SBNO1: variants seen among roughly 807,000 people sequenced by gnomAD.
SBNO1 encodes the protein protein strawberry notch homolog 1.
In SBNO1, 23 loss-of-function variants were observed where a neutral mutation model predicts 173.6. The ratio of observed to expected loss-of-function variants is 0.13; its 90% CI spans 0.10 to 0.19. The LOEUF (loss-of-function observed/expected upper bound fraction) is 0.19. Among genes scored for constraint, SBNO1 ranks in the 10% least tolerant of loss-of-function variants. The pLI, the probability that SBNO1 is intolerant of heterozygous loss-of-function variation, is 1.00. For synonymous variants in SBNO1, 632 were observed against 571.5 expected (o/e 1.11, Z -1.51); for missense variants, 1,238 against 1,671.2 (o/e 0.74, Z 4.52).
chr12:123,330,030 C>T (rs1431057928), intron 9 of SBNO1, among the ~76,000 whole-genome samples: 1 of 152,168 alleles, frequency 6.6e-6, no homozygotes. Flanking sequence ...CTATCTACAT[C>T]GCATATGATT....
intron 29 of SBNO1, among the ~76,000 whole-genome samples, chr12:123,303,167 A>C (rs897528753): frequency 6.6e-6 from 1 of 152,226 alleles, no homozygotes; most frequent in African/African-American, 2.4e-5. Flanking sequence ...AATATTAATA[A>C]AATAAAACCT....
At position 123,338,670 on chromosome 12, in the gene SBNO1, G is replaced by A. The variant is rs192502042; in HGVS notation, c.652-2179C>T. 1.8e-3 allele frequency among the ~76,000 whole-genome samples: 280 copies of A among 152,064 alleles called. 3 individuals are homozygous for A. The highest frequency in any genetic ancestry group is 5.5e-3 in the African/African-American group (230 of 41,490). On this transcript the variant is annotated intron_variant, in intron 5 of 31. Coordinates refer to ENST00000602398, the MANE Select transcript of SBNO1 (RefSeq NM_001167856.3). ...AATGCACTCCAGCCTGTGACAGAGC[G>A]AGACTCCATCTCAAAATAAATAAAC...
chr12:123,302,246 T>G (rs1345638728), intron 30 of SBNO1, among the ~76,000 whole-genome samples: 3 of 146,086 alleles, frequency 2.1e-5, no homozygotes, highest in Non-Finnish European at 4.5e-5. Context: ...TTGTTTTTTT[T>G]TTTGTTTTTT....
chr12:123,309,273 T>C (rs753953254), intron 28 of SBNO1, 37 bp downstream of exon 28: 31 of 1,442,492 alleles, frequency 2.1e-5, no homozygotes, highest in Non-Finnish European at 2.6e-5. Context: ...TTAAAAAGTA[T>C]TATATATCTG....
chr12:123,309,203 C>G, intron 28 of SBNO1, 107 bp downstream of exon 28: 1 of 792,944 alleles, frequency 1.3e-6, no homozygotes, highest in Non-Finnish European at 2.1e-6. Context: ...CCAAAATAGA[C>G]AAAGCTAAAC....
At chr12:123,307,070 T>A (rs1019451731) in intron 28 of SBNO1, among the ~76,000 whole-genome samples, 8 of 139,100 alleles carry the variant, frequency 5.8e-5, no homozygotes, top group African/African-American at 2.1e-4. Flanking sequence ...GTACCTGTGG[T>A]CCCAGCTACT....
At chr12:123,300,028 G>A (rs773045860) in intron 30 of SBNO1, among the ~76,000 whole-genome samples, 3 of 152,070 alleles carry the variant, frequency 2.0e-5, no homozygotes, top group Non-Finnish European at 2.9e-5. Context: ...GGGAGCGAGA[G>A]GCTACATGTA....
Position 123,295,159 on chromosome 12 carries a change from T to G in SBNO1, c.*749A>C, listed in dbSNP as rs937792852. 6.6e-6 allele frequency: 1 copy of G among 152,210 alleles called. No homozygotes were observed. Among genetic ancestry groups the G allele is most frequent in the South Asian group, 2.1e-4 (1 of 4,832 alleles). 9.4% of individuals were successfully genotyped at this position (152,210 alleles called of 1,614,324 possible). A position where few individuals can be genotyped will look rare whatever the true frequency, so the allele number is the denominator to read the frequency against. On this transcript the variant is annotated 3_prime_UTR_variant, in exon 32 of 32. Coordinates refer to ENST00000602398, the MANE Select transcript of SBNO1 (RefSeq NM_001167856.3). Reference sequence around the variant, plus strand: ...AAGAGTTTTATCACAGAAAAATGTATGTATTCATTACCTTGACCAGAAACC... The same window carrying G: ...AAGAGTTTTATCACAGAAAAATGTAGGTATTCATTACCTTGACCAGAAACC...
At chr12:123,363,154 A>C (rs763398478) in intron 1 of SBNO1, among the ~76,000 whole-genome samples, 12 of 152,148 alleles carry the variant, frequency 7.9e-5, no homozygotes, top group Non-Finnish European at 1.6e-4. Context: ...GAAGATAAAA[A>C]GCAGAAGCCA....
chr12:123,338,511 T>A (rs1872126241), intron 5 of SBNO1, among the ~76,000 whole-genome samples: 1 of 151,586 alleles, frequency 6.6e-6, no homozygotes, highest in African/African-American at 2.4e-5. Flanking sequence ...TGAAACCCCA[T>A]CTCTATTAAA....
Position 123,319,884 on chromosome 12 carries a change from T to C in SBNO1, c.2799+16A>G. On this transcript the variant is annotated intron_variant, in intron 20 of 31. Coordinates refer to ENST00000602398, the MANE Select transcript of SBNO1 (RefSeq NM_001167856.3). Reference sequence around the variant, plus strand: ...GCATTGTTCTTTTCACTGAGAAGCATCTCAGTAAAACATACCTTATCTCCA... The same window carrying C: ...GCATTGTTCTTTTCACTGAGAAGCACCTCAGTAAAACATACCTTATCTCCA... 2.5e-6 allele frequency: 4 copies of C among 1,611,600 alleles called. No homozygotes were observed. The highest frequency in any genetic ancestry group is 3.4e-6 in the Non-Finnish European group (4 of 1,178,228).
chr12:123,363,571 G>A (rs969005162), intron 1 of SBNO1, among the ~76,000 whole-genome samples: 2 of 152,094 alleles, frequency 1.3e-5, no homozygotes, highest in Non-Finnish European at 2.9e-5. Context: ...AAGGTCAAAG[G>A]GGACCAGTTT....
intron 29 of SBNO1, chr12:123,304,336 G>C (rs1309033545): frequency 1.5e-5 from 5 of 334,328 alleles, no homozygotes; most frequent in Admixed American, 4.6e-5. Context: ...CCGGGTTCAA[G>C]TGATTCTCCT....
At chr12:123,305,251 G>A (rs2048884933) in intron 28 of SBNO1, among the ~76,000 whole-genome samples, 1 of 152,198 alleles carries the variant, frequency 6.6e-6, no homozygotes, top group South Asian at 2.1e-4. Flanking sequence ...GCCTTGGATG[G>A]CCCCAGTCCT....
At position 123,294,860 on chromosome 12, in the gene SBNO1, G is replaced by T. The variant is rs1164293792; in HGVS notation, c.*1048C>A. The T allele has an allele frequency of 6.7e-6, 1 of 149,564 alleles. No individual in the cohort carries two copies. Among genetic ancestry groups the T allele is most frequent in the Non-Finnish European group, 1.5e-5 (1 of 68,130 alleles). 9.3% of individuals were successfully genotyped at this position (149,564 alleles called of 1,614,324 possible). A position where few individuals can be genotyped will look rare whatever the true frequency, so the allele number is the denominator to read the frequency against. On this transcript the variant is annotated 3_prime_UTR_variant, in exon 32 of 32. Coordinates refer to ENST00000602398, the MANE Select transcript of SBNO1 (RefSeq NM_001167856.3). ...TTACAACACATTAAACAATATTCAA[G>T]TTACTGAGTAACAACAATAACAACA...
rs573751685 is a variant in SBNO1 at position 123,326,652 on chromosome 12, G to A, written c.1693-318C>T. Among the ~76,000 whole-genome samples, 322 of 152,240 alleles carry A rather than the reference G, an allele frequency of 2.1e-3. 2 individuals are homozygous for A. Among genetic ancestry groups the A allele is most frequent in the Non-Finnish European group, 3.2e-3 (215 of 68,022 alleles). On this transcript the variant is annotated intron_variant, in intron 13 of 31. Coordinates refer to ENST00000602398, the MANE Select transcript of SBNO1 (RefSeq NM_001167856.3). ...TATAAGAACATTGGTTAGGCCAGGC[G>A]CAGTGGCTGATGCCTGTAATCCCAG...
chr12:123,318,363 C>T (rs557144479), intron 20 of SBNO1, among the ~76,000 whole-genome samples: 4 of 151,754 alleles, frequency 2.6e-5, no homozygotes, highest in Non-Finnish European at 5.9e-5. Flanking sequence ...TGCTTGAACC[C>T]GGGAGGTGGA....
At position 123,298,000 on chromosome 12, in the gene SBNO1, C is replaced by T. The variant is rs1241108401; in HGVS notation, c.4017G>A (p.Thr1339=). 5.6e-6 allele frequency: 9 copies of T among 1,613,728 alleles called. No individual in the cohort carries two copies. Among genetic ancestry groups the T allele is most frequent in the South Asian group, 1.1e-5 (1 of 90,984 alleles). The change falls in exon 31 of 32, where the codon ACG becomes ACA. Residue 1339 remains threonine, a synonymous_variant. Transcript: ENST00000602398. Reference sequence around the variant, plus strand: ...CACCTACAATCCGTTGCCCATCTTCCGTTCTTAGCCGCACGATCTGCATCT... The same window carrying T: ...CACCTACAATCCGTTGCCCATCTTCTGTTCTTAGCCGCACGATCTGCATCT... ...NVKMQIVRLR[T]EDGQRIVGLI...
At position 123,341,080 on chromosome 12, in the gene SBNO1, T is replaced by A. The variant is rs751757092; in HGVS notation, c.559A>T (p.Ser187Cys). ...GACTCTTTCTTTACTGTACCATTGC[T>A]TACATCAGCTGAGGAGGAAAAAGTC... ...QPVATAATDV[S>C]NGTVKKESSN... The change falls in exon 5 of 32, where the codon AGC becomes TGC. Residue 187 changes from serine to cysteine, a missense_variant. Physicochemically the swap from Ser to Cys is moderately radical, Grantham distance 112. Coordinates refer to ENST00000602398, the MANE Select transcript of SBNO1 (RefSeq NM_001167856.3). The A allele has an allele frequency of 1.9e-6, 3 of 1,549,240 alleles. No individual in the cohort carries two copies. The African/African-American group carries it at 4.2e-5, about 22-fold the overall frequency.
Sources: gnomAD v4.1 joint callset for allele counts (sites outside exome capture counted in the v4.1 genomes callset) on GRCh38, gnomAD v4.1.1 for gene constraint, MANE v1.5 for transcripts, NCBI Gene and HGNC (gene_info 2026-07-23, HGNC 2026-07-21) for gene names.